Variants in PLA2R1 observed in about 807,000 individuals in gnomAD.
PLA2R1 encodes the protein phospholipase A2 receptor 1.
In PLA2R1, 158 loss-of-function variants were observed where a neutral mutation model predicts 195.9. The ratio of observed to expected loss-of-function variants is 0.81; its 90% confidence interval spans 0.71 to 0.92. The LOEUF (loss-of-function observed/expected upper bound fraction) is 0.92. Ranked by LOEUF, PLA2R1 falls within the 40% of genes least tolerant of loss-of-function variation. The pLI, the probability that PLA2R1 is intolerant of heterozygous loss-of-function variation, is 0.00. For missense variants in PLA2R1, 1,626 were observed against 1,764.6 expected (o/e 0.92, Z 1.41); for synonymous variants, 586 against 598.2 (o/e 0.98, Z 0.30).
At chr2:160,039,654 C>G (rs150485590) in intron 3 of PLA2R1, among the ~76,000 whole-genome samples, 1 of 151,976 alleles carries the variant, frequency 6.6e-6, no homozygotes, top group African/African-American at 2.4e-5. Context: ...ATCTCCGACA[C>G]GTCATTTTGA....
intron 20 of PLA2R1, among the ~76,000 whole-genome samples, chr2:159,964,809 T>A (rs1016463768): frequency 2.0e-5 from 3 of 152,056 alleles, no homozygotes; most frequent in African/African-American, 7.2e-5. Context: ...GGCGGGCGGA[T>A]CACCTGAGGT....
At chr2:160,048,587 TATA>T (rs1188300466) in intron 1 of PLA2R1, among the ~76,000 whole-genome samples, 2 of 152,190 alleles carry the variant, frequency 1.3e-5, no homozygotes, top group Non-Finnish European at 2.9e-5. Flanking sequence ...CTAACAAAAC[TATA>T]ATGTGAAAAT....
At chr2:160,046,396 G>T (rs1694875663) in intron 1 of PLA2R1, among the ~76,000 whole-genome samples, 1 of 152,194 alleles carries the variant, frequency 6.6e-6, no homozygotes, top group Non-Finnish European at 1.5e-5. Context: ...GTTTAGGGCG[G>T]GTCATGTAAT....
intron 11 of PLA2R1, among the ~76,000 whole-genome samples, chr2:159,995,161 A>C (rs1691126882): frequency 6.6e-6 from 1 of 152,132 alleles, no homozygotes; most frequent in Non-Finnish European, 1.5e-5. Flanking sequence ...AATTTAAAAG[A>C]AAAAGGGAAA....
In PLA2R1 at chr2:160,022,705, T is replaced by A. The variant is rs539847399; in HGVS notation, c.1254A>T (p.Ser418=). ...TTACAAGAAACTCCACCTCTGCTAA[T>A]GAGGTTATGTCTATTAATGCACTGT... ...ADNSALIDIT[S]LAEVEFLVTL... Residue 418 remains serine, a synonymous_variant, in exon 7 of 30, where the codon TCA becomes TCT. Transcript: ENST00000283243. The A allele has an allele frequency of 1.5e-5, 24 of 1,607,554 alleles. No individual in the cohort carries two copies. The highest frequency in any genetic ancestry group is 2.0e-5 in the Non-Finnish European group (23 of 1,176,202).
chr2:159,967,557 C>T lies in PLA2R1; in HGVS notation c.2886G>A (p.Trp962Ter). 1 of 1,613,484 alleles carries T rather than the reference C, an allele frequency of 6.2e-7. No homozygotes were observed. Among genetic ancestry groups the T allele is most frequent in the Non-Finnish European group, 8.5e-7 (1 of 1,179,638 alleles). Residue 962 changes from tryptophan to a stop codon, truncating the protein, a stop_gained, in exon 20 of 30, where the codon TGG becomes TGA. Coordinates refer to ENST00000283243, the MANE Select transcript of PLA2R1 (RefSeq NM_007366.5). LOFTEE classifies it high-confidence loss of function. ...AGCTTACCTTATAGTTAAAATATAGCCATCCTTTGGGACACGTTCCATGTT... is the reference window on the plus strand; with the variant it reads ...AGCTTACCTTATAGTTAAAATATAGTCATCCTTTGGGACACGTTCCATGTT... ...PKQHGTCPKG[W>*]LYFNYKCLLL...
chr2:159,984,197 GT>G (rs1690166381), intron 12 of PLA2R1, 124 bp from the exon 13 acceptor site: 2 of 497,308 alleles, frequency 4.0e-6, no homozygotes, highest in Non-Finnish European at 7.2e-6. Flanking sequence ...GCTTGATCTA[GT>G]GGGAGGAAGT....
chr2:160,028,168 A>G lies in PLA2R1; in HGVS notation c.1099+50T>C, dbSNP rs138845251. ...AAAATAGAGAAATTTACATATATTGAGAGGACAAGTCAACAACACCTAAGA... is the reference window on the plus strand; with the variant it reads ...AAAATAGAGAAATTTACATATATTGGGAGGACAAGTCAACAACACCTAAGA... On this transcript the variant is annotated intron_variant, in intron 6 of 29. Coordinates refer to ENST00000283243, the MANE Select transcript of PLA2R1 (RefSeq NM_007366.5). 38 of 1,243,680 alleles carry G rather than the reference A, an allele frequency of 3.1e-5. No individual in the cohort carries two copies. The African/African-American group carries it at 5.5e-4, about 18-fold the overall frequency. 77.0% of individuals were successfully genotyped at this position (1,243,680 alleles called of 1,614,324 possible).
intron 23 of PLA2R1, among the ~76,000 whole-genome samples, chr2:159,952,638 C>T (rs1389106552): frequency 6.6e-6 from 1 of 152,136 alleles, no homozygotes; most frequent in Admixed American, 6.5e-5. Flanking sequence ...GCAAATTAAC[C>T]TTTCTAAACC....
chr2:159,943,804 T>C (rs976122501), intron 28 of PLA2R1, among the ~76,000 whole-genome samples: 1 of 140,098 alleles, frequency 7.1e-6, no homozygotes, highest in Admixed American at 7.1e-5. Context: ...CATGTTTTTC[T>C]TTTTTTTTTT....
intron 6 of PLA2R1, among the ~76,000 whole-genome samples, chr2:160,023,496 A>C (rs1693281899): frequency 6.6e-6 from 1 of 152,180 alleles, no homozygotes; most frequent in Non-Finnish European, 1.5e-5. Flanking sequence ...ATGGTCTAAA[A>C]GGGGGAGGAA....
chr2:159,997,678 C>G (rs374823358), intron 11 of PLA2R1, among the ~76,000 whole-genome samples: 1 of 152,194 alleles, frequency 6.6e-6, no homozygotes, highest in South Asian at 2.1e-4. Context: ...AATGACAGTT[C>G]AGATGTTCCT....
intron 17 of PLA2R1, among the ~76,000 whole-genome samples, chr2:159,975,631 T>A (rs893651855): frequency 5.9e-5 from 9 of 152,166 alleles, no homozygotes; most frequent in Admixed American, 2.6e-4. Context: ...TATCCACTTA[T>A]TTTTTCTAAT....
chr2:160,051,471 A>G (rs1424738882), intron 1 of PLA2R1, among the ~76,000 whole-genome samples: 5 of 152,362 alleles, frequency 3.3e-5, no homozygotes, highest in African/African-American at 1.2e-4. Context: ...GCAGGGATGC[A>G]GTCCAGAAGG....
At chr2:159,951,687 T>G in intron 23 of PLA2R1, 109 bp from the exon 24 acceptor site, 1 of 682,704 alleles carries the variant, frequency 1.5e-6, no homozygotes, top group South Asian at 1.7e-5. Flanking sequence ...TCAGAGTGCT[T>G]TCTTCTGGAA....
intron 1 of PLA2R1, among the ~76,000 whole-genome samples, chr2:160,052,381 A>G (rs1174072941): frequency 6.6e-6 from 1 of 152,180 alleles, no homozygotes; most frequent in Non-Finnish European, 1.5e-5. Flanking sequence ...CTCATTTAGC[A>G]GTTGCTGACC....
intron 17 of PLA2R1, among the ~76,000 whole-genome samples, chr2:159,970,553 T>C (rs1189950374): frequency 1.3e-5 from 2 of 152,194 alleles, no homozygotes; most frequent in East Asian, 3.8e-4. Context: ...CTCTCAGTTA[T>C]TTACCCTCTC....
downstream of PLA2R1, among the ~76,000 whole-genome samples, chr2:159,929,608 T>G (rs1686544210): frequency 6.6e-6 from 1 of 152,136 alleles, no homozygotes; most frequent in African/African-American, 2.4e-5. Flanking sequence ...CTTTAAGAAC[T>G]AAAGGTAGAA....
chr2:160,022,674 G>C lies in PLA2R1; in HGVS notation c.1285C>G (p.Leu429Val). 1 of 1,587,406 alleles carries C rather than the reference G, an allele frequency of 6.3e-7. No individual in the cohort carries two copies. The highest frequency in any genetic ancestry group is 8.6e-7 in the Non-Finnish European group (1 of 1,163,914). ...GGCAGCTGGGACTCACCATCTCCAA[G>C]GAGGGTTACAAGAAACTCCACCTCT... The part of the protein sequence containing the change: ...LAEVEFLVTL[L>V]GDENASETWI... Residue 429 changes from leucine to valine, a missense_variant, in exon 7 of 30, where the codon CTT becomes GTT. Physicochemically the swap from Leu to Val is conservative, Grantham distance 32 (BLOSUM62 1). Coordinates refer to ENST00000283243, the MANE Select transcript of PLA2R1 (RefSeq NM_007366.5).
Sources: gnomAD v4.1 joint callset for allele counts (sites outside exome capture counted in the v4.1 genomes callset) on GRCh38, gnomAD v4.1.1 for gene constraint, MANE v1.5 for transcripts, NCBI Gene and HGNC (gene_info 2026-07-23, HGNC 2026-07-21) for gene names.